Variants in GRB10 observed in about 807,000 individuals in gnomAD.
The protein encoded by GRB10 is growth factor receptor bound protein 10.
In GRB10, 20 loss-of-function variants were observed where a neutral mutation model predicts 80.9. The ratio of observed to expected loss-of-function variants is 0.25; its 90% CI spans 0.17 to 0.36. GRB10 has a LOEUF of 0.36. GRB10 is among the 10% of genes least tolerant of loss of function. The pLI is 1.00. For missense variants in GRB10, 548 were observed against 747.7 expected (o/e 0.73, Z 3.12); for synonymous variants, 291 against 291.5 (o/e 1.00, Z 0.02).
At chr7:50,792,239 C>A (rs2078948845) in intron 1 of GRB10, among the ~76,000 whole-genome samples, 1 of 151,870 alleles carries the variant, frequency 6.6e-6, no homozygotes, top group Non-Finnish European at 1.5e-5. Flanking sequence ...GTCTTTCCCC[C>A]CTCCCCCCCA....
chr7:50,708,317 A>G (rs1334874479), intron 4 of GRB10, among the ~76,000 whole-genome samples: 1 of 152,234 alleles, frequency 6.6e-6, no homozygotes, highest in Non-Finnish European at 1.5e-5. Context: ...CACTTCAGAC[A>G]TGAAGTCTGT....
At chr7:50,700,130 C>T (rs538264996) in intron 5 of GRB10, among the ~76,000 whole-genome samples, 161 of 151,936 alleles carry the variant, frequency 1.1e-3, no homozygotes, top group African/African-American at 3.7e-3. Flanking sequence ...CAGAGCGAGA[C>T]TCCATCTCAA....
intron 4 of GRB10, among the ~76,000 whole-genome samples, chr7:50,718,225 CAG>C (rs372744697): frequency 1.8e-4 from 27 of 152,316 alleles, no homozygotes; most frequent in African/African-American, 6.5e-4. Flanking sequence ...GGAGAATTAA[CAG>C]AGAGAGGGGA....
chr7:50,606,285 G>T, intron 14 of GRB10, 52 bp downstream of exon 14: 1 of 1,381,720 alleles, frequency 7.2e-7, no homozygotes, highest in Non-Finnish European at 1.0e-6. Flanking sequence ...TAACACATGT[G>T]ATGCAGAAGC....
rs983675372 is a variant in GRB10, at chr7:50,590,085, A to C, written c.*2867T>G. The C allele has an allele frequency of 6.6e-6, 1 of 152,246 alleles. No individual in the cohort carries two copies. Among genetic ancestry groups the C allele is most frequent in the Non-Finnish European group, 1.5e-5 (1 of 68,040 alleles). 9.4% of individuals were successfully genotyped at this position (152,246 alleles called of 1,614,324 possible). On this transcript the variant is annotated 3_prime_UTR_variant, in exon 19 of 19. Transcript: ENST00000401949. ...ATAGAAAATGAAGAACACTGTATTA[A>C]TGTTTATTTCTAATTACAAGAAACA...
intron 3 of GRB10, among the ~76,000 whole-genome samples, chr7:50,755,258 G>GT (rs1204071630): frequency 1.4e-4 from 22 of 152,302 alleles, no homozygotes; most frequent in African/African-American, 5.3e-4. Flanking sequence ...CAACGGCACT[G>GT]TAAGAATCCC....
At chr7:50,625,272 G>A (rs767559722) in intron 8 of GRB10, among the ~76,000 whole-genome samples, 2 of 152,076 alleles carry the variant, frequency 1.3e-5, no homozygotes, top group African/African-American at 2.4e-5. Flanking sequence ...CTAAATGTCC[G>A]CAGAAGTCCT....
chr7:50,705,063 G>T, intron 4 of GRB10: 1 of 823,440 alleles, frequency 1.2e-6, no homozygotes, highest in Non-Finnish European at 1.5e-6. Flanking sequence ...CCAGCAAGCA[G>T]TTTCTCTGCC....
At chr7:50,641,367 A>G (rs1350617152) in intron 7 of GRB10, among the ~76,000 whole-genome samples, 7 of 152,030 alleles carry the variant, frequency 4.6e-5, no homozygotes, top group South Asian at 2.1e-4. Context: ...TCCATTCAAC[A>G]TTGCACCAAG....
intron 2 of GRB10, among the ~76,000 whole-genome samples, chr7:50,763,391 G>A (rs968198798): frequency 6.6e-6 from 1 of 152,208 alleles, no homozygotes; most frequent in African/African-American, 2.4e-5. Flanking sequence ...TGGCTGAACA[G>A]CAACAGGGCT....
chr7:50,602,963 A>G (rs961905459), intron 17 of GRB10, among the ~76,000 whole-genome samples: 3 of 152,202 alleles, frequency 2.0e-5, no homozygotes, highest in Non-Finnish European at 4.4e-5. Flanking sequence ...AGGAGAATGT[A>G]GGAAAGGGAA....
chr7:50,643,436 T>C (rs1289617653), intron 7 of GRB10, among the ~76,000 whole-genome samples: 4 of 152,112 alleles, frequency 2.6e-5, no homozygotes, highest in African/African-American at 9.7e-5. Flanking sequence ...AGAAATCCCA[T>C]CCGTCACGAC....
rs146059908 is a variant in GRB10 at position 50,642,603 on chromosome 7, C to T, written c.505-15625G>A. Among the ~76,000 whole-genome samples the T allele has an allele frequency of 5.9e-4, 90 of 152,194 alleles. 2 individuals carry two copies. In the South Asian group the frequency reaches 0.015, roughly 26 times the overall value. On this transcript the variant is annotated intron_variant, in intron 7 of 18. Transcript: ENST00000401949. ...TTTTAAGTGCTGACATGATACTCAA[C>T]GGAAACGCTCATTGGAGCATTTTGG...
chr7:50,694,538 T>C (rs2063212514), intron 5 of GRB10, among the ~76,000 whole-genome samples: 1 of 152,188 alleles, frequency 6.6e-6, no homozygotes, highest in Non-Finnish European at 1.5e-5. Context: ...GCCAATAACT[T>C]AAATTCTCAG....
intron 17 of GRB10, 159 bp from the exon 18 acceptor site, chr7:50,595,689 T>C: frequency 1.6e-6 from 1 of 637,958 alleles, no homozygotes; most frequent in South Asian, 1.7e-5. Context: ...AAGTGGCCTC[T>C]AGGGGCAACA....
intron 3 of GRB10, among the ~76,000 whole-genome samples, chr7:50,742,075 G>A (rs1348739755): frequency 6.6e-6 from 1 of 151,074 alleles, no homozygotes; most frequent in Non-Finnish European, 1.5e-5. Flanking sequence ...CAGTGAAGAT[G>A]AAACTGAGTA....
At chr7:50,658,584 A>G (rs2058889411) in intron 7 of GRB10, among the ~76,000 whole-genome samples, 1 of 152,178 alleles carries the variant, frequency 6.6e-6, no homozygotes, top group South Asian at 2.1e-4. Context: ...AACTATGGTG[A>G]TTCTTCCTGT....
chr7:50,601,745 A>G (rs1563115729), intron 17 of GRB10, among the ~76,000 whole-genome samples: 1 of 152,166 alleles, frequency 6.6e-6, no homozygotes, highest in Non-Finnish European at 1.5e-5. Context: ...ATCAACGTGA[A>G]CCCAACATTT....
intron 5 of GRB10, among the ~76,000 whole-genome samples, chr7:50,689,545 C>T (rs372875739): frequency 1.3e-5 from 2 of 152,038 alleles, no homozygotes; most frequent in African/African-American, 2.4e-5. Flanking sequence ...GGCTCCAACA[C>T]TTGCTGAGTC....
Sources: allele counts gnomAD v4.1 joint callset (sites outside exome capture counted in the v4.1 genomes callset), GRCh38; gene constraint gnomAD v4.1.1; transcripts MANE v1.5; gene names NCBI Gene and HGNC (gene_info 2026-07-23, HGNC 2026-07-21).